SLC60A2: variants seen among roughly 807,000 people sequenced by gnomAD.
The protein encoded by SLC60A2 is major facilitator superfamily domain containing 4B.
At chr6:111,264,341 A>G in the SLC60A2 span, among the ~76,000 whole-genome samples, 2 of 152,184 alleles carry the variant, frequency 1.3e-5, no homozygotes, top group South Asian at 2.1e-4. Context: ...TGGCTGAGAA[A>G]GCATAGAAGC....
the SLC60A2 span, among the ~76,000 whole-genome samples, chr6:111,261,776 T>C: frequency 6.6e-6 from 1 of 152,024 alleles, no homozygotes; most frequent in Non-Finnish European, 1.5e-5. Context: ...GTATTTTTAG[T>C]AGAGATGGGG....
chr6:111,271,775 T>TTAAAAA, the SLC60A2 span, among the ~76,000 whole-genome samples: 1 of 18,850 alleles, frequency 5.3e-5, no homozygotes, highest in East Asian at 4.5e-3. Flanking sequence ...CCATCTCTAC[T>TTAAAAA]AAAAAAAAAA....
chr6:111,264,132 A>C, the SLC60A2 span, among the ~76,000 whole-genome samples: 1 of 152,208 alleles, frequency 6.6e-6, no homozygotes, highest in African/African-American at 2.4e-5. Flanking sequence ...CCTGTTTCTG[A>C]GCAGCCAACT....
chr6:111,265,769 T>C, the SLC60A2 span: 2 of 836,534 alleles, frequency 2.4e-6, no homozygotes, highest in Non-Finnish European at 3.7e-6. Flanking sequence ...ATTATAATGC[T>C]TGTGCTATGT....
At chr6:111,271,714 G>A in the SLC60A2 span, among the ~76,000 whole-genome samples, 1 of 133,096 alleles carries the variant, frequency 7.5e-6, no homozygotes, top group Admixed American at 8.8e-5. Context: ...GAGGTGGGTG[G>A]ATCACTTGAG....
chr6:111,260,196 C>T, the SLC60A2 span, among the ~76,000 whole-genome samples: 2 of 152,238 alleles, frequency 1.3e-5, no homozygotes, highest in Non-Finnish European at 2.9e-5. Context: ...CCGGCGTGAG[C>T]CACGGCGCCC....
At chr6:111,259,358 C>G in the SLC60A2 span, 2 of 324,804 alleles carry the variant, frequency 6.2e-6, no homozygotes, top group Non-Finnish European at 1.1e-5. Flanking sequence ...GCGTCTTTTG[C>G]CACGAACACC....
the SLC60A2 span, chr6:111,266,581 G>A: frequency 1.2e-6 from 2 of 1,614,174 alleles, no homozygotes; most frequent in South Asian, 2.2e-5. Context: ...TTTCCGAGTG[G>A]TGTTTCTTGG....
At chr6:111,271,982 C>T in the SLC60A2 span, among the ~76,000 whole-genome samples, 65 of 151,786 alleles carry the variant, frequency 4.3e-4, no homozygotes, top group Middle Eastern at 3.4e-3. Context: ...TTAAAATAAC[C>T]AGAACTTCTG....
At chr6:111,259,461 C>T in the SLC60A2 span, 1 of 452,390 alleles carries the variant, frequency 2.2e-6, no homozygotes, top group Non-Finnish European at 3.9e-6. Flanking sequence ...GGGGTCGGGG[C>T]CAGTGCTCTT....
the SLC60A2 span, chr6:111,263,950 A>G: frequency 2.8e-6 from 4 of 1,448,564 alleles, no homozygotes; most frequent in Non-Finnish European, 3.9e-6. Flanking sequence ...GATACAGGTT[A>G]GTGAGCTCTT....
At chr6:111,270,839 T>C in the SLC60A2 span, 1 of 147,702 alleles carries the variant, frequency 6.8e-6, no homozygotes, top group Non-Finnish European at 1.5e-5. Flanking sequence ...AGCGAGACTG[T>C]CTCAAAAAAA....
the SLC60A2 span, among the ~76,000 whole-genome samples, chr6:111,274,903 A>G: frequency 6.6e-6 from 1 of 151,968 alleles, no homozygotes; most frequent in East Asian, 1.9e-4. Flanking sequence ...CACTGTGACT[A>G]TCCTTTTCTG....
At chr6:111,266,207 A>G in the SLC60A2 span, 1 of 1,613,204 alleles carries the variant, frequency 6.2e-7, no homozygotes, top group Non-Finnish European at 8.5e-7. Flanking sequence ...AAAAAGCAAG[A>G]GCATCTGCTG....
the SLC60A2 span, among the ~76,000 whole-genome samples, chr6:111,279,245 T>A: frequency 2.0e-5 from 3 of 151,690 alleles, no homozygotes; most frequent in Non-Finnish European, 2.9e-5. Flanking sequence ...TCCTTGAAAT[T>A]CTGTGCACTT....
the SLC60A2 span, chr6:111,266,523 T>G: frequency 6.2e-7 from 1 of 1,614,194 alleles, no homozygotes; most frequent in Non-Finnish European, 8.5e-7. Context: ...GAACCCAATT[T>G]GTCTCTGGAT....
the SLC60A2 span, among the ~76,000 whole-genome samples, chr6:111,260,207 G>C: frequency 6.6e-6 from 1 of 152,206 alleles, no homozygotes; most frequent in East Asian, 1.9e-4. Flanking sequence ...CACGGCGCCC[G>C]GCCCGGCAAG....
the SLC60A2 span, among the ~76,000 whole-genome samples, chr6:111,272,083 G>T: frequency 6.6e-6 from 1 of 152,136 alleles, no homozygotes; most frequent in Non-Finnish European, 1.5e-5. Context: ...GCTCACTGCA[G>T]CCCTGACCTC....
chr6:111,259,490 C>G, the SLC60A2 span: 1 of 500,982 alleles, frequency 2.0e-6, no homozygotes, highest in Non-Finnish European at 3.5e-6. Context: ...TCCAGAAGTT[C>G]TGCTGAGAAG....
Sources: allele counts gnomAD v4.1 joint callset (sites outside exome capture counted in the v4.1 genomes callset), GRCh38; gene constraint gnomAD v4.1.1; transcripts MANE v1.5; gene names NCBI Gene and HGNC (gene_info 2026-07-23, HGNC 2026-07-21).